The following LRRC4C variants were observed in gnomAD, a reference collection of about 807,000 sequenced individuals.
LRRC4C encodes leucine-rich repeat-containing protein 4C.
LRRC4C carries 5 observed loss-of-function variants against 33.6 expected under a neutral mutation model. The observed-to-expected ratio is 0.15, with a 90% CI of 0.08 to 0.31. The LOEUF (loss-of-function observed/expected upper bound fraction) is 0.31, where lower values mean the gene tolerates loss of function less well. LRRC4C is among the 10% of genes least tolerant of loss of function. LRRC4C has a pLI of 1.00. For missense variants in LRRC4C, 560 were observed against 796.7 expected, an observed-to-expected ratio of 0.70 and a Z score of 3.58; for synonymous variants, 329 against 302.0, an observed-to-expected ratio of 1.09 and a Z score of -0.93.
intron 2 of LRRC4C, among the ~76,000 whole-genome samples, chr11:40,814,239 C>G (rs960428332): frequency 5.9e-5 from 9 of 152,172 alleles, no homozygotes; most frequent in African/African-American, 2.2e-4. Flanking sequence ...GGTGGAGGTT[C>G]CCAAACCTCA....
At chr11:40,575,236 G>A (rs75656194) in intron 3 of LRRC4C, among the ~76,000 whole-genome samples, 82 of 152,152 alleles carry the variant, frequency 5.4e-4, no homozygotes, top group African/African-American at 1.7e-3. Flanking sequence ...TAAAATAAGC[G>A]CACGTCATGG....
intron 1 of LRRC4C, among the ~76,000 whole-genome samples, chr11:41,399,747 T>C (rs1310610530): frequency 8.6e-5 from 13 of 151,950 alleles, no homozygotes. Flanking sequence ...ATGTGGCACT[T>C]TAAGGAGATT....
chr11:40,854,119 G>T (rs2135770046), intron 2 of LRRC4C, among the ~76,000 whole-genome samples: 1 of 152,268 alleles, frequency 6.6e-6, no homozygotes, highest in South Asian at 2.1e-4. Context: ...CTTTCATTAG[G>T]AAATGGGTAA....
At chr11:40,973,735 A>G (rs1851892295) in intron 1 of LRRC4C, among the ~76,000 whole-genome samples, 1 of 152,252 alleles carries the variant, frequency 6.6e-6, no homozygotes, top group Non-Finnish European at 1.5e-5. Flanking sequence ...AATTGAGCAA[A>G]GATAAAAACT....
At chr11:40,574,163 T>C (rs1003653874) in intron 3 of LRRC4C, among the ~76,000 whole-genome samples, 12 of 152,210 alleles carry the variant, frequency 7.9e-5, no homozygotes, top group Non-Finnish European at 1.2e-4. Context: ...GATTCTCCTG[T>C]AACATTTTAA....
intron 3 of LRRC4C, among the ~76,000 whole-genome samples, chr11:40,378,363 G>A (rs1007213932): frequency 3.3e-5 from 5 of 151,882 alleles, no homozygotes; most frequent in Non-Finnish European, 1.5e-5. Context: ...CATAATTGAA[G>A]TACCTGATCA....
chr11:41,344,581 TG>T (rs36025956), intron 1 of LRRC4C, among the ~76,000 whole-genome samples: 63,706 of 152,068 alleles, frequency 0.42, 14,065 homozygotes, highest in Non-Finnish European at 0.49. Flanking sequence ...ATAGTGCCTG[TG>T]GTTGGTTTTG....
At chr11:41,128,838 C>T (rs897250141) in intron 1 of LRRC4C, among the ~76,000 whole-genome samples, 1 of 152,000 alleles carries the variant, frequency 6.6e-6, no homozygotes, top group Admixed American at 6.6e-5. Flanking sequence ...GGAAAAGTTA[C>T]ATCCTGTGAG....
chr11:41,304,462 C>T (rs866204529), intron 1 of LRRC4C, among the ~76,000 whole-genome samples: 2,893 of 88,004 alleles, frequency 0.033, 28 homozygotes, highest in Middle Eastern at 0.069. Context: ...TCTGCCCGGC[C>T]GCCCCTACTG....
At chr11:40,465,217 C>A (rs148952530) in intron 3 of LRRC4C, among the ~76,000 whole-genome samples, 1 of 152,054 alleles carries the variant, frequency 6.6e-6, no homozygotes, top group East Asian at 1.9e-4. Flanking sequence ...AGAAAGAAAA[C>A]CCCGTTCAAT....
intron 2 of LRRC4C, among the ~76,000 whole-genome samples, chr11:40,755,239 A>G (rs990734328): frequency 2.6e-5 from 4 of 152,122 alleles, no homozygotes; most frequent in Admixed American, 6.6e-5. Flanking sequence ...ACTATTTTAA[A>G]AGATTTCAGT....
At chr11:40,383,494 A>G (rs953619820) in intron 3 of LRRC4C, among the ~76,000 whole-genome samples, 1 of 152,034 alleles carries the variant, frequency 6.6e-6, no homozygotes, top group African/African-American at 2.4e-5. Flanking sequence ...TAAGGGTTCC[A>G]TTTTCTTCAC....
At chr11:40,715,893 TG>T (rs936311922) in intron 2 of LRRC4C, among the ~76,000 whole-genome samples, 9 of 152,078 alleles carry the variant, frequency 5.9e-5, no homozygotes, top group Non-Finnish European at 1.3e-4. Context: ...ATCATGGTGG[TG>T]GGTACCTGTA....
chr11:41,148,769 C>G (rs1943847539), intron 1 of LRRC4C, among the ~76,000 whole-genome samples: 1 of 151,984 alleles, frequency 6.6e-6, no homozygotes, highest in African/African-American at 2.4e-5. Flanking sequence ...CTGAGATTTC[C>G]TCATCTCTGA....
At chr11:40,401,906 A>G (rs2137550957) in intron 3 of LRRC4C, among the ~76,000 whole-genome samples, 1 of 152,244 alleles carries the variant, frequency 6.6e-6, no homozygotes, top group East Asian at 1.9e-4. Flanking sequence ...AGTAGTTTAT[A>G]TATATGTAAA....
intron 3 of LRRC4C, among the ~76,000 whole-genome samples, chr11:40,414,622 T>G (rs1398784491): frequency 1.3e-5 from 2 of 152,118 alleles, no homozygotes; most frequent in African/African-American, 4.8e-5. Flanking sequence ...TTGACACAGT[T>G]AAATGAACTG....
chr11:41,258,864 G>T (rs1948886313), intron 1 of LRRC4C, among the ~76,000 whole-genome samples: 1 of 151,980 alleles, frequency 6.6e-6, no homozygotes, highest in South Asian at 2.1e-4. Flanking sequence ...GAGCTGAGTT[G>T]TACTGGGGTG....
chr11:40,775,983 G>A (rs1443873842), intron 2 of LRRC4C, among the ~76,000 whole-genome samples: 1 of 146,616 alleles, frequency 6.8e-6, no homozygotes, highest in Non-Finnish European at 1.5e-5. Context: ...TAACAATGAA[G>A]GGATTTTGGA....
At chr11:40,759,640 G>A (rs1188427106) in intron 2 of LRRC4C, among the ~76,000 whole-genome samples, 4 of 151,932 alleles carry the variant, frequency 2.6e-5, no homozygotes, top group Non-Finnish European at 5.9e-5. Flanking sequence ...CACCAGTAAT[G>A]AAATTAGAGT....
Sources: allele counts gnomAD v4.1 joint callset (sites outside exome capture counted in the v4.1 genomes callset), GRCh38; gene constraint gnomAD v4.1.1; transcripts MANE v1.5; gene names NCBI Gene and HGNC (gene_info 2026-07-23, HGNC 2026-07-21).